EEA1: variants seen among roughly 807,000 people sequenced by gnomAD.
The protein encoded by EEA1 is early endosome antigen 1.
Under a neutral mutation model 209.2 loss-of-function variants are expected in EEA1, and 111 were observed. The ratio of observed to expected loss-of-function variants is 0.53; its 90% CI spans 0.45 to 0.62. The LOEUF is 0.62. EEA1 is among the 20% of genes least tolerant of loss of function. The pLI is 0.00. For missense variants in EEA1, 1,343 were observed against 1,530.8 expected, an observed-to-expected ratio of 0.88 and a Z score of 2.05; for synonymous variants, 536 against 540.6, an observed-to-expected ratio of 0.99 and a Z score of 0.12.
At chr12:92,873,913 G>A (rs1275955620) in intron 2 of EEA1, among the ~76,000 whole-genome samples, 1 of 152,144 alleles carries the variant, frequency 6.6e-6, no homozygotes, top group Non-Finnish European at 1.5e-5. Context: ...TTATCCAGGG[G>A]ATGAAAATGA....
At chr12:92,821,502 A>C (rs977683349) in intron 13 of EEA1, among the ~76,000 whole-genome samples, 10 of 152,074 alleles carry the variant, frequency 6.6e-5, no homozygotes, top group African/African-American at 2.2e-4. Context: ...CCATTCCTTT[A>C]CTTCTAAGCA....
chr12:92,829,136 G>A (rs1876478759), intron 11 of EEA1, among the ~76,000 whole-genome samples: 1 of 152,122 alleles, frequency 6.6e-6, no homozygotes, highest in African/African-American at 2.4e-5. Context: ...AATGAGGGAT[G>A]TGTCTTTTAG....
At chr12:92,789,128 A>G (rs1202512966) in intron 21 of EEA1, among the ~76,000 whole-genome samples, 4 of 151,906 alleles carry the variant, frequency 2.6e-5, no homozygotes, top group Non-Finnish European at 5.9e-5. Context: ...CGCCTCTACT[A>G]AAAATACAAA....
chr12:92,830,306 G>A (rs905586333), intron 11 of EEA1, among the ~76,000 whole-genome samples: 3 of 151,928 alleles, frequency 2.0e-5, no homozygotes, highest in Admixed American at 6.6e-5. Flanking sequence ...GCAGTTTTTC[G>A]ATCCTCACCC....
intron 9 of EEA1, 61 bp downstream of exon 9, chr12:92,851,050 T>G (rs1877605982): frequency 1.4e-6 from 2 of 1,468,182 alleles, no homozygotes; most frequent in East Asian, 4.9e-5. Flanking sequence ...CTGGCTTCAC[T>G]CAATAGTATA....
At chr12:92,821,357 T>C (rs1876044201) in intron 13 of EEA1, among the ~76,000 whole-genome samples, 1 of 152,176 alleles carries the variant, frequency 6.6e-6, no homozygotes, top group South Asian at 2.1e-4. Flanking sequence ...TTCTAACGTA[T>C]TCAGCATATG....
chr12:92,918,763 A>T (rs1193025266), intron 1 of EEA1, among the ~76,000 whole-genome samples: 3 of 105,286 alleles, frequency 2.8e-5, no homozygotes, highest in African/African-American at 4.3e-5. Flanking sequence ...AACTGAAGGA[A>T]ATAGAGACAC....
In EEA1 at chr12:92,773,416, T is replaced by C. The variant is rs952310909; in HGVS notation, c.*2595A>G. 1 of 152,176 alleles carries C rather than the reference T, an allele frequency of 6.6e-6. No individual in the cohort carries two copies. Among genetic ancestry groups the C allele is most frequent in the African/African-American group, 2.4e-5 (1 of 41,426 alleles). 9.4% of individuals were successfully genotyped at this position (152,176 alleles called of 1,614,324 possible). ...ATTAAGAGGTAGTTGAACAAAATGT[T>C]ATTTATACACTGCATTGAGGTTTTT... On this transcript the variant is annotated 3_prime_UTR_variant, in exon 29 of 29. Transcript: ENST00000322349.
chr12:92,780,747 T>C (rs965661618), intron 23 of EEA1, among the ~76,000 whole-genome samples: 1 of 152,192 alleles, frequency 6.6e-6, no homozygotes, highest in African/African-American at 2.4e-5. Flanking sequence ...AGTTAGGATA[T>C]TATCTCAGTT....
chr12:92,857,568 G>A (rs942694839), intron 3 of EEA1, 83 bp from the exon 4 acceptor site: 4 of 799,582 alleles, frequency 5.0e-6, no homozygotes, highest in East Asian at 2.8e-5. Flanking sequence ...GCTAGTAATT[G>A]TATATTAATA....
intron 1 of EEA1, among the ~76,000 whole-genome samples, chr12:92,927,085 C>A (rs552149359): frequency 1.3e-5 from 2 of 152,174 alleles, no homozygotes; most frequent in Non-Finnish European, 2.9e-5. Flanking sequence ...TTCAAACTTT[C>A]CTACTAAAGA....
intron 3 of EEA1, among the ~76,000 whole-genome samples, chr12:92,860,978 C>A (rs549210570): frequency 1.3e-5 from 2 of 151,876 alleles, no homozygotes; most frequent in South Asian, 4.2e-4. Context: ...GGGGGAAATA[C>A]ACACAACACA....
chr12:92,844,182 G>A (rs1877297176), intron 9 of EEA1, among the ~76,000 whole-genome samples: 1 of 152,088 alleles, frequency 6.6e-6, no homozygotes, highest in East Asian at 1.9e-4. Flanking sequence ...CGATTGGACT[G>A]AATGATCAAA....
At position 92,912,231 on chromosome 12, in the gene EEA1, A is replaced by G. The variant is rs767811378; in HGVS notation, c.24+16812T>C. 5.4e-4 allele frequency among the ~76,000 whole-genome samples: 82 copies of G among 152,330 alleles called. 1 individual carries two copies. The highest frequency in any genetic ancestry group is 1.0e-3 in the Non-Finnish European group (71 of 68,032). On this transcript the variant is annotated intron_variant, in intron 1 of 28. Transcript: ENST00000322349. ...GCAGCACTTACTCATAATACAAGGA[A>G]GAACAAAGTGGTGTCAGTGGTAGTT...
intron 2 of EEA1, among the ~76,000 whole-genome samples, chr12:92,873,850 T>C (rs1878758103): frequency 6.6e-6 from 1 of 152,174 alleles, no homozygotes; most frequent in Non-Finnish European, 1.5e-5. Flanking sequence ...ATTCAGTAAA[T>C]GTTAGCTATC....
intron 28 of EEA1, 74 bp downstream of exon 28, chr12:92,776,770 T>G (rs1163471885): frequency 9.5e-6 from 13 of 1,366,352 alleles, no homozygotes; most frequent in Non-Finnish European, 1.3e-5. Flanking sequence ...GAAGGACTAT[T>G]TTGATGGTTA....
chr12:92,776,086 G>C lies in EEA1; in HGVS notation c.4161C>G (p.Ala1387=). 6.2e-7 allele frequency: 1 copy of C among 1,611,066 alleles called. No individual in the cohort carries two copies. The highest frequency in any genetic ancestry group is 8.5e-7 in the Non-Finnish European group (1 of 1,178,144). The change falls in exon 29 of 29, where the codon GCC becomes GCG. Residue 1387 remains alanine (A), a synonymous_variant. Coordinates refer to ENST00000322349, the MANE Select transcript of EEA1 (RefSeq NM_003566.4). ...TGGAGGAAGGAGTTAAGGCATTTTT[G>C]GCTGAACATTCAGCACAGAAGATAT... The part of the protein sequence containing the change: ...CGNIFCAECS[A]KNALTPSSKK...
Position 92,802,639 on chromosome 12 carries a change from A to T in EEA1, c.2435T>A (p.Leu812Gln), listed in dbSNP as rs1874978553. Reference protein sequence around the residue: ...LTKQEEEKKILKQDFETLSQE... With the variant: ...LTKQEEEKKIQKQDFETLSQE... ...ACTTAAAGTTTCAAAATCTTGTTTCAGGATTTTTTTTTCTTCCTCTTGCTT... is the reference window on the plus strand; with the variant it reads ...ACTTAAAGTTTCAAAATCTTGTTTCTGGATTTTTTTTTCTTCCTCTTGCTT... Residue 812 changes from leucine to glutamine, a missense_variant, in exon 19 of 29, where the codon CTG (leucine) becomes CAG (glutamine). Physicochemically the swap from Leu to Gln is moderately radical, Grantham distance 113 (BLOSUM62 -2). Coordinates refer to ENST00000322349, the MANE Select transcript of EEA1 (RefSeq NM_003566.4). 1.9e-6 allele frequency: 3 copies of T among 1,604,562 alleles called. No individual in the cohort carries two copies. In the South Asian group the frequency reaches 3.4e-5, roughly 18 times the overall value.
At chr12:92,923,562 TC>T (rs1881094811) in intron 1 of EEA1, among the ~76,000 whole-genome samples, 1 of 151,910 alleles carries the variant, frequency 6.6e-6, no homozygotes, top group African/African-American at 2.4e-5. Flanking sequence ...GTCACTGCCA[TC>T]CTCTGCAAAG....
Sources: gnomAD v4.1 joint callset for allele counts (sites outside exome capture counted in the v4.1 genomes callset) on GRCh38, gnomAD v4.1.1 for gene constraint, MANE v1.5 for transcripts, NCBI Gene and HGNC (gene_info 2026-07-23, HGNC 2026-07-21) for gene names.